The following KMT5C variants were observed in gnomAD, a reference collection of about 807,000 sequenced individuals.
KMT5C encodes histone-lysine N-methyltransferase KMT5C.
A neutral mutation model predicts 38.2 loss-of-function variants in KMT5C; 16 were observed. That is an observed-to-expected ratio of 0.42 (90% CI 0.28 to 0.64). The LOEUF is 0.64. Among genes scored for constraint, KMT5C ranks in the 30% least tolerant of loss-of-function variants. The pLI is 0.23. For missense variants in KMT5C, 598 were observed against 665.1 expected, an observed-to-expected ratio of 0.90 and a Z score of 1.11; for synonymous variants, 291 against 279.0, an observed-to-expected ratio of 1.04 and a Z score of -0.43.
In KMT5C at chr19:55,346,861, A is replaced by G. The variant is rs547412305; in HGVS notation, c.896-95A>G. On this transcript the variant is annotated intron_variant, in intron 8 of 8. Transcript: ENST00000255613. ...ATCATTCCTCTGGGGAGCGCAGGGC[A>G]GGGCTGCCTCCTTGTCCAGAGGAGG... 43 of 603,064 alleles carry G rather than the reference A, an allele frequency of 7.1e-5. No individual in the cohort carries two copies. The African/African-American group carries it at 8.5e-4, about 12-fold the overall frequency. 37.4% of individuals were successfully genotyped at this position (603,064 alleles called of 1,614,324 possible). A position where few individuals can be genotyped will look rare whatever the true frequency, so the allele number is the denominator to read the frequency against.
chr19:55,346,398 A>G (rs1432890310), intron 7 of KMT5C, 49 bp downstream of exon 7: 4 of 1,601,966 alleles, frequency 2.5e-6, no homozygotes, highest in African/African-American at 1.3e-5. Flanking sequence ...GGGCTTCTTG[A>G]GCCCAGAAAC....
rs867633998 is a variant in KMT5C at position 55,347,288 on chromosome 19, G to A, written c.1228G>A (p.Ala410Thr). The A allele has an allele frequency of 1.3e-6, 2 of 1,563,470 alleles. No individual in the cohort carries two copies. The highest frequency in any genetic ancestry group is 1.2e-5 in the South Asian group (1 of 85,796). ...GGTGCGTGTGGACCTTCGTCGCCTG[G>A]CCCCAGCCCCACCAGCTACCCCAGC... ...YVVRVDLRRLAPAPPATPAPA... is the reference protein window; with the variant it reads ...YVVRVDLRRLTPAPPATPAPA... The change falls in exon 9 of 9, where the codon GCC becomes ACC. Residue 410 changes from alanine to threonine, a missense_variant. Transcript: ENST00000255613. This position sits in a 1 kb window ranked among gnomAD's most constrained non-coding sequence, Gnocchi z 4.6.
chr19:55,341,311 A>T (rs2089553950), intron 1 of KMT5C, among the ~76,000 whole-genome samples: 2 of 148,396 alleles, frequency 1.3e-5, no homozygotes, highest in Admixed American at 1.3e-4. Flanking sequence ...ACCCGCCTCC[A>T]GGCTGCCTGG....
rs1216363626 is a variant in KMT5C at position 55,347,780 on chromosome 19, A to G, written c.*331A>G. The G allele has an allele frequency of 2.1e-5, 7 of 330,542 alleles. No individual in the cohort carries two copies. The East Asian group carries it at 3.8e-4, about 18-fold the overall frequency. 20.5% of individuals were successfully genotyped at this position (330,542 alleles called of 1,614,324 possible). ...AGCAAAGCCATAAGGGGCAGGGGCCACCCCACGGCATCTCCCCAGAAGTAC... is the reference window on the plus strand; with the variant it reads ...AGCAAAGCCATAAGGGGCAGGGGCCGCCCCACGGCATCTCCCCAGAAGTAC... On this transcript the variant is annotated 3_prime_UTR_variant, in exon 9 of 9. Transcript: ENST00000255613. This position sits in a 1 kb window ranked among gnomAD's most constrained non-coding sequence, Gnocchi z 4.6.
intron 3 of KMT5C, 173 bp downstream of exon 3, chr19:55,342,553 TG>T (rs879749324): frequency 2.0e-5 from 13 of 643,100 alleles, no homozygotes; most frequent in South Asian, 7.6e-5. Context: ...AGAGGAGAGT[TG>T]GGGGGGCCCT....
At position 55,342,221 on chromosome 19, in the gene KMT5C, GC is replaced by G. The variant is rs769842795; in HGVS notation, c.124del (p.Leu42CysfsTer15). The G allele has an allele frequency of 6.2e-6, 10 of 1,609,328 alleles. No individual in the cohort carries two copies. Among genetic ancestry groups the G allele is most frequent in the Admixed American group, 1.7e-5 (1 of 59,568 alleles). On this transcript the variant is annotated frameshift_variant, in exon 3 of 9. Coordinates refer to ENST00000255613, the MANE Select transcript of KMT5C (RefSeq NM_032701.4). LOFTEE classifies it high-confidence loss of function. ...RTHKMNVSPV[P>X]PLRRQQHLRS... ...GGCATGCCCTCTCCCCCAGCCCTGT[GC>G]CCCCCCTGCGGCGACAGCAGCACCT...
chr19:55,341,758 G>C (rs1407006511), intron 1 of KMT5C, 36 bp from the exon 2 acceptor site: 7 of 604,220 alleles, frequency 1.2e-5, no homozygotes, highest in Non-Finnish European at 1.8e-5. Context: ...CCAGCGGCCT[G>C]GTGAAGTCAG....
rs780674410 is a variant in KMT5C at position 55,342,897 on chromosome 19, C to A, written c.386+46C>A. 17 of 1,192,014 alleles carry A rather than the reference C, an allele frequency of 1.4e-5. No individual in the cohort carries two copies. The South Asian group carries it at 1.9e-4, about 14-fold the overall frequency. The allele number at this position is 1,192,014 out of a possible 1,614,324, so 73.8% of individuals were successfully genotyped here. A position where few individuals can be genotyped will look rare whatever the true frequency, so the allele number is the denominator to read the frequency against. On this transcript the variant is annotated intron_variant, in intron 4 of 8. Transcript: ENST00000255613. Reference sequence around the variant, plus strand: ...GCAGGTATCCTTGGAGGAGACAGAGCTCAGAGGGGACAAGAGAGACCCTCT... The same window carrying A: ...GCAGGTATCCTTGGAGGAGACAGAGATCAGAGGGGACAAGAGAGACCCTCT...
Position 55,343,221 on chromosome 19 carries a change from G to A in KMT5C, c.386+370G>A, listed in dbSNP as rs1485142407. ...GGTTCACAGTCTGGTGAGGAGGTGG[G>A]GGGCAGACAAGTCAACATGCAGTCA... On this transcript the variant is annotated intron_variant, in intron 4 of 8. Coordinates refer to ENST00000255613, the MANE Select transcript of KMT5C (RefSeq NM_032701.4). This position sits in a 1 kb window ranked among gnomAD's most constrained non-coding sequence, Gnocchi z 5.5. 6.3e-6 allele frequency: 2 copies of A among 316,966 alleles called. No homozygotes were observed. Among genetic ancestry groups the A allele is most frequent in the East Asian group, 1.4e-4 (2 of 14,456 alleles). 19.6% of individuals were successfully genotyped at this position (316,966 alleles called of 1,614,324 possible).
rs2089580597 is a variant in KMT5C, at chr19:55,343,251, TCCC to T, written c.386+401_386+403del. On this transcript the variant is annotated intron_variant, in intron 4 of 8. Transcript: ENST00000255613. The surrounding 1 kb of genome is among the most constrained non-coding windows in gnomAD (Gnocchi z 5.5). Reference sequence around the variant, plus strand: ...AGACAAGTCAACATGCAGTCACTGGTCCCAGCTGGTACATGCTGCAGGGGAGCT... The same window carrying T: ...AGACAAGTCAACATGCAGTCACTGGTAGCTGGTACATGCTGCAGGGGAGCT... 12 of 307,206 alleles carry T rather than the reference TCCC, an allele frequency of 3.9e-5. No homozygotes were observed. The South Asian group carries it at 4.8e-4, about 12-fold the overall frequency. 19.0% of individuals were successfully genotyped at this position (307,206 alleles called of 1,614,324 possible).
At chr19:55,340,862 G>A (rs1057016346) in intron 1 of KMT5C, among the ~76,000 whole-genome samples, 2 of 127,294 alleles carry the variant, frequency 1.6e-5, no homozygotes, top group Admixed American at 1.7e-4. Context: ...CGTGCCCACC[G>A]CTGTGCGTTT....
rs1317540184 is a variant in KMT5C, at chr19:55,342,254, A to G, written c.150A>G (p.Ser50=). ...TGCGGCGACAGCAGCACCTGCGCTC[A>G]GCGCTGGAAACTTTCCTGAGGCAGC... ...PPLRRQQHLR[S]ALETFLRQRD... The change falls in exon 3 of 9, where the codon TCA becomes TCG. Residue 50 remains serine (S), a synonymous_variant. Coordinates refer to ENST00000255613, the MANE Select transcript of KMT5C (RefSeq NM_032701.4). The G allele has an allele frequency of 1.2e-6, 2 of 1,609,274 alleles. No homozygotes were observed. The highest frequency in any genetic ancestry group is 1.7e-6 in the Non-Finnish European group (2 of 1,178,698).
chr19:55,341,080 C>G lies in KMT5C; in HGVS notation c.-143-714C>G, dbSNP rs116107357. 6.3e-3 allele frequency among the ~76,000 whole-genome samples: 962 copies of G among 152,362 alleles called. 10 individuals are homozygous for G. Among genetic ancestry groups the G allele is most frequent in the African/African-American group, 0.022 (909 of 41,596 alleles). Reference sequence around the variant, plus strand: ...GCCGTGGTGCGGGGACGAGGCTGGCCCTCCGTCCGGGTTAGGGGTTTGGGT... The same window carrying G: ...GCCGTGGTGCGGGGACGAGGCTGGCGCTCCGTCCGGGTTAGGGGTTTGGGT... On this transcript the variant is annotated intron_variant, in intron 1 of 8. Coordinates refer to ENST00000255613, the MANE Select transcript of KMT5C (RefSeq NM_032701.4).
At position 55,347,075 on chromosome 19, in the gene KMT5C, C is replaced by T. The variant is rs759558050; in HGVS notation, c.1015C>T (p.Arg339Trp). 36 of 1,575,838 alleles carry T rather than the reference C, an allele frequency of 2.3e-5. No individual in the cohort carries two copies. The highest frequency in any genetic ancestry group is 1.8e-4 in the African/African-American group (13 of 74,186). Residue 339 changes from arginine to tryptophan, a missense_variant, in exon 9 of 9, where the codon CGG becomes TGG. This residue lies in a region of KMT5C where 326 missense variants were observed against 298.1 expected (regional missense o/e 1.09). Transcript: ENST00000255613. This position sits in a 1 kb window ranked among gnomAD's most constrained non-coding sequence, Gnocchi z 4.6. The stretch of plus-strand genomic sequence containing the variant: ...GCGGCCCCGGAAGCGCCGACGCCCC[C>T]GGCCCCGGAGGGCCCCAGTGCTCTC... ...RVRPRKRRRP[R>W]PRRAPVLSTH...
chr19:55,346,385 T>G (rs777116785), intron 7 of KMT5C, 36 bp downstream of exon 7: 2 of 1,613,368 alleles, frequency 1.2e-6, no homozygotes, highest in South Asian at 2.2e-5. Flanking sequence ...GTTCGGGTCG[T>G]CTGGGCTTCT....
chr19:55,341,656 G>C, intron 1 of KMT5C, 138 bp from the exon 2 acceptor site: 1 of 493,496 alleles, frequency 2.0e-6, no homozygotes, highest in Non-Finnish European at 3.7e-6. Context: ...ATCTGTGTCT[G>C]CGCTGCGGAG....
intron 6 of KMT5C, chr19:55,345,029 G>A (rs1569021295): frequency 2.2e-6 from 1 of 456,338 alleles, no homozygotes; most frequent in Admixed American, 2.3e-5. Context: ...GCCCTGGTCT[G>A]ACACCACACA....
chr19:55,344,378 A>G, intron 6 of KMT5C: 2 of 279,350 alleles, frequency 7.2e-6, no homozygotes, highest in South Asian at 3.4e-5. Flanking sequence ...AAAAAAAAAA[A>G]AGAGCCAAAT....
chr19:55,346,678 C>G lies in KMT5C; in HGVS notation c.886C>G (p.Pro296Ala). The G allele has an allele frequency of 6.4e-7, 1 of 1,565,278 alleles. No individual in the cohort carries two copies. Among genetic ancestry groups the G allele is most frequent in the South Asian group, 1.2e-5 (1 of 85,028 alleles). Residue 296 changes from proline to alanine, a missense_variant, in exon 8 of 9, where the codon CCA becomes GCA. Pro to Ala is a conservative substitution (Grantham distance 27). Coordinates refer to ENST00000255613, the MANE Select transcript of KMT5C (RefSeq NM_032701.4). ...GCACCCATCCCCGCTGCGCCGGGAC[C>G]CATTCTGCGGTGAGCACCCCTCCCT... ...CVHPSPLRRD[P>A]FCAACQPLRL... is the part of the protein sequence containing the mutation.
Sources: gnomAD v4.1 joint callset for allele counts (sites outside exome capture counted in the v4.1 genomes callset) on GRCh38, gnomAD v4.1.1 for gene constraint, gnomAD v4.1.1 regional missense constraint, Gnocchi (gnomAD v3.1) non-coding constraint, MANE v1.5 for transcripts, NCBI Gene and HGNC (gene_info 2026-07-23, HGNC 2026-07-21) for gene names.